Variants in LRP2 observed in about 807,000 individuals in gnomAD.
The protein encoded by LRP2 is low-density lipoprotein receptor-related protein 2.
Under a neutral mutation model 531.0 loss-of-function variants are expected in LRP2, and 172 were observed. That is an observed-to-expected ratio of 0.32 (90% CI 0.29 to 0.37). The LOEUF (loss-of-function observed/expected upper bound fraction) is 0.37, where lower values mean the gene tolerates loss of function less well. LRP2 is among the 10% of genes least tolerant of loss of function. LRP2 has a pLI of 1.00. For missense variants in LRP2, 5,167 were observed against 5,868.3 expected, an observed-to-expected ratio of 0.88 and a Z score of 3.90; for synonymous variants, 1,992 against 2,027.6, an observed-to-expected ratio of 0.98 and a Z score of 0.47.
intron 16 of LRP2, among the ~76,000 whole-genome samples, chr2:169,267,490 T>G (rs1312268646): frequency 6.6e-6 from 1 of 152,152 alleles, no homozygotes; most frequent in Admixed American, 6.5e-5. Context: ...CTGAACAACG[T>G]GCTCCTGAAT....
intron 31 of LRP2, among the ~76,000 whole-genome samples, chr2:169,228,275 A>G (rs1180597276): frequency 6.6e-6 from 1 of 151,588 alleles, no homozygotes; most frequent in Non-Finnish European, 1.5e-5. Flanking sequence ...TTGAGTATCA[A>G]ATTACCACTC....
Position 169,209,445 on chromosome 2 carries a change from T to C in LRP2, c.6469+8A>G. ...AAACATATTAAAATCACCATATAGC[T>C]TACATACCTGCTACCCAATCCACTG... On this transcript the variant is annotated splice_region_variant and intron_variant, in intron 38 of 78. Transcript: ENST00000649046. 1 of 1,613,332 alleles carries C rather than the reference T, an allele frequency of 6.2e-7. No homozygotes were observed. The highest frequency in any genetic ancestry group is 8.5e-7 in the Non-Finnish European group (1 of 1,179,306).
Position 169,241,096 on chromosome 2 carries a change from G to C in LRP2, c.3937C>G (p.Pro1313Ala). Residue 1313 changes from proline (P) to alanine (A), a missense_variant, in exon 25 of 79, where the codon CCT becomes GCT. By Grantham distance (27) the Pro-to-Ala change is conservative. Around this residue, in one of 6 missense-constraint regions of LRP2, gnomAD observed 2,811 missense variants for 3,058.0 expected, o/e 0.92. Coordinates refer to ENST00000649046, the MANE Select transcript of LRP2 (RefSeq NM_004525.3). ...CCAAGACACTGCCATTGCCAACTAG[G>C]ACAGCGAAAGGGCTGAGTAGGGCAG... ...KDCPTQPFRC[P>A]SWQWQCLGHN... 1.2e-6 allele frequency: 2 copies of C among 1,614,050 alleles called. No homozygotes were observed. The highest frequency in any genetic ancestry group is 1.7e-6 in the Non-Finnish European group (2 of 1,179,922).
rs1474907201 is a variant in LRP2 at position 169,309,035 on chromosome 2, C to T, written c.311-1638G>A. ...ATAAATGTCTTCTTTTGAGAAGTGT[C>T]TGTTCATGTCCTTTGCCCACTTTTT... is the stretch of plus-strand genomic sequence containing the variant. On this transcript the variant is annotated intron_variant, in intron 3 of 78. Coordinates refer to ENST00000649046, the MANE Select transcript of LRP2 (RefSeq NM_004525.3). Among the ~76,000 whole-genome samples, 32 of 152,156 alleles carry T rather than the reference C, an allele frequency of 2.1e-4. 1 individual carries two copies. The highest frequency in any genetic ancestry group is 2.1e-3 in the Admixed American group (32 of 15,272).
Position 169,206,734 on chromosome 2 carries a change from A to G in LRP2, c.6986T>C (p.Phe2329Ser), listed in dbSNP as rs780651375. The G allele has an allele frequency of 8.1e-6, 13 of 1,614,148 alleles. No homozygotes were observed. The highest frequency in any genetic ancestry group is 1.1e-5 in the Non-Finnish European group (13 of 1,180,018). The change falls in exon 39 of 79, where the codon TTT becomes TCT. Residue 2329 changes from phenylalanine to serine, a missense_variant. Phe to Ser is a radical substitution (Grantham distance 155). Around this residue, in one of 6 missense-constraint regions of LRP2, gnomAD observed 2,811 missense variants for 3,058.0 expected, o/e 0.92. Transcript: ENST00000649046. ...NINWLRDVTI[F>S]DKQVQPRSPA... is the part of the protein sequence containing the mutation. ...TGACCGGGGCTGGACTTGCTTGTCA[A>G]AGATGGTCACATCTCTTAGCCAGTT...
At chr2:169,278,692 T>C (rs1310771280) in intron 12 of LRP2, among the ~76,000 whole-genome samples, 1 of 152,210 alleles carries the variant, frequency 6.6e-6, no homozygotes, top group Non-Finnish European at 1.5e-5. Context: ...GAAGTAGAAC[T>C]GAATAATCAT....
At chr2:169,348,960 C>A (rs753443832) in intron 1 of LRP2, among the ~76,000 whole-genome samples, 10 of 152,062 alleles carry the variant, frequency 6.6e-5, no homozygotes, top group Non-Finnish European at 1.2e-4. Flanking sequence ...GCTGGTAGTA[C>A]CAGGGAATGG....
intron 33 of LRP2, among the ~76,000 whole-genome samples, chr2:169,223,716 TA>T (rs1307623169): frequency 6.6e-6 from 1 of 152,122 alleles, no homozygotes; most frequent in African/African-American, 2.4e-5. Context: ...GTTTCTGATG[TA>T]AAAAAATAAA....
intron 22 of LRP2, among the ~76,000 whole-genome samples, chr2:169,243,851 A>T (rs35108325): frequency 1.3e-5 from 2 of 151,842 alleles, no homozygotes; most frequent in Admixed American, 1.3e-4. Context: ...TCTAGACCAA[A>T]GCCAAGCAAT....
chr2:169,162,758 T>A (rs1013279655), intron 62 of LRP2, among the ~76,000 whole-genome samples, 158 bp from the exon 63 acceptor site: 1 of 152,262 alleles, frequency 6.6e-6, no homozygotes. Flanking sequence ...TGACCAGTTC[T>A]AGCCAACGTA....
intron 38 of LRP2, among the ~76,000 whole-genome samples, chr2:169,208,902 G>A (rs539301369): frequency 4.6e-4 from 70 of 151,850 alleles, no homozygotes; most frequent in African/African-American, 1.6e-3. Flanking sequence ...AAAAATGAGG[G>A]GTTATTCAAG....
chr2:169,289,425 C>T (rs1683943524), intron 8 of LRP2, among the ~76,000 whole-genome samples: 1 of 152,128 alleles, frequency 6.6e-6, no homozygotes, highest in Non-Finnish European at 1.5e-5. Flanking sequence ...GGCACAGTGG[C>T]TCACAACTGT....
chr2:169,311,926 G>C (rs1418111770), intron 3 of LRP2, among the ~76,000 whole-genome samples: 1 of 152,148 alleles, frequency 6.6e-6, no homozygotes, highest in Admixed American at 6.5e-5. Flanking sequence ...AGCTCTTCTT[G>C]TTGACTGGAT....
At chr2:169,285,242 A>G (rs1683823594) in intron 9 of LRP2, among the ~76,000 whole-genome samples, 1 of 151,912 alleles carries the variant, frequency 6.6e-6, no homozygotes, top group Non-Finnish European at 1.5e-5. Flanking sequence ...GGCTGCAGTG[A>G]GCGTGATAAT....
At chr2:169,307,028 A>G (rs889162396) in intron 4 of LRP2, among the ~76,000 whole-genome samples, 1 of 152,228 alleles carries the variant, frequency 6.6e-6, no homozygotes, top group Non-Finnish European at 1.5e-5. Flanking sequence ...ATCTATGTTC[A>G]TGTTAAAAGT....
At chr2:169,316,318 G>A (rs1304373322) in intron 3 of LRP2, among the ~76,000 whole-genome samples, 1 of 152,064 alleles carries the variant, frequency 6.6e-6, no homozygotes, top group African/African-American at 2.4e-5. Context: ...GGGTGCCTAG[G>A]GGATTGTGAT....
intron 4 of LRP2, among the ~76,000 whole-genome samples, chr2:169,304,209 C>G (rs1160532198): frequency 6.6e-6 from 1 of 152,138 alleles, no homozygotes; most frequent in Non-Finnish European, 1.5e-5. Flanking sequence ...GGGATAAAGA[C>G]ACAGACTTTT....
intron 76 of LRP2, among the ~76,000 whole-genome samples, chr2:169,136,898 G>T (rs943212457): frequency 2.0e-5 from 3 of 152,294 alleles, no homozygotes; most frequent in Admixed American, 6.5e-5. Context: ...TTTCAGAAAA[G>T]TATGGCAACA....
At chr2:169,264,285 A>T (rs1559046409) in intron 16 of LRP2, among the ~76,000 whole-genome samples, 2 of 151,940 alleles carry the variant, frequency 1.3e-5, no homozygotes, top group Non-Finnish European at 2.9e-5. Flanking sequence ...AAAAAAAGGT[A>T]GGTTGCTCAG....
Sources: gnomAD v4.1 joint callset for allele counts (sites outside exome capture counted in the v4.1 genomes callset) on GRCh38, gnomAD v4.1.1 for gene constraint, gnomAD v4.1.1 regional missense constraint, MANE v1.5 for transcripts, NCBI Gene and HGNC (gene_info 2026-07-23, HGNC 2026-07-21) for gene names.